Variants in SIRPD observed in about 807,000 individuals in gnomAD.
SIRPD encodes the protein signal-regulatory protein delta.
In SIRPD, 21 loss-of-function variants were observed where a neutral mutation model predicts 18.0. The observed-to-expected ratio is 1.17, with a 90% confidence interval of 0.83 to 1.68. SIRPD has a LOEUF of 1.68. SIRPD is among the 40% of genes most tolerant of loss of function. The pLI is 0.00. For synonymous variants in SIRPD, 106 were observed against 92.9 expected (o/e 1.14, Z -0.81); for missense variants, 295 against 238.4 (o/e 1.24, Z -1.56).
In SIRPD at chr20:1,554,235, C is replaced by T. The variant is rs145438320; in HGVS notation, c.74-2197G>A. ...TTGCAGGCCAGGGTTAGGACATCTC[C>T]GGGATTGACTGACACTAAAGTCTGA... On this transcript the variant is annotated intron_variant, in intron 1 of 3. Transcript: ENST00000381623. 262 of 152,704 alleles carry T rather than the reference C, an allele frequency of 1.7e-3. 3 individuals are homozygous for T. Among genetic ancestry groups the T allele is most frequent in the South Asian group, 3.3e-3 (16 of 4,826 alleles). 9.5% of individuals were successfully genotyped at this position (152,704 alleles called of 1,614,324 possible).
rs1343808689 is a variant in SIRPD at position 1,551,806 on chromosome 20, G to A, written c.306C>T (p.Thr102=). ...TTKPGNTDFS[T]RIREISLADA... Reference sequence around the variant, plus strand: ...CAGCAAGAGAGATTTCACGGATGCGGGTGGAAAAGTCTGTGTTGCCAGGCT... The same window carrying A: ...CAGCAAGAGAGATTTCACGGATGCGAGTGGAAAAGTCTGTGTTGCCAGGCT... Residue 102 remains threonine (T), a synonymous_variant, in exon 2 of 4, where the codon ACC becomes ACT. Coordinates refer to ENST00000381623, the MANE Select transcript of SIRPD (RefSeq NM_178460.3). 6.2e-7 allele frequency: 1 copy of A among 1,614,066 alleles called. No homozygotes were observed. The highest frequency in any genetic ancestry group is 8.5e-7 in the Non-Finnish European group (1 of 1,179,970).
chr20:1,535,070 A>T (rs1309146907), intron 3 of SIRPD, among the ~76,000 whole-genome samples: 1 of 152,222 alleles, frequency 6.6e-6, no homozygotes, highest in African/African-American at 2.4e-5. Flanking sequence ...CAACCACAAA[A>T]TGGAAAACTA....
intron 2 of SIRPD, among the ~76,000 whole-genome samples, chr20:1,540,633 T>C (rs1226222637): frequency 6.6e-6 from 1 of 152,238 alleles, no homozygotes; most frequent in African/African-American, 2.4e-5. Context: ...ATGGAATTAT[T>C]TAAAAAATTG....
At chr20:1,540,479 T>C (rs1360786169) in intron 2 of SIRPD, 4 of 350,636 alleles carry the variant, frequency 1.1e-5, no homozygotes, top group Non-Finnish European at 2.2e-5. Context: ...AACATTTTTA[T>C]CATCTCAAAA....
intron 1 of SIRPD, among the ~76,000 whole-genome samples, chr20:1,555,034 A>T (rs1035816055): frequency 3.3e-5 from 5 of 152,228 alleles, no homozygotes; most frequent in Non-Finnish European, 7.3e-5. Context: ...AATTGCAGTT[A>T]TTCACAATAG....
intron 1 of SIRPD, chr20:1,554,431 A>C (rs1289118328): frequency 6.6e-6 from 1 of 152,578 alleles, no homozygotes; most frequent in East Asian, 1.9e-4. Flanking sequence ...AGTCATATAA[A>C]AATTACAATG....
chr20:1,535,641 C>G (rs1471184257), intron 3 of SIRPD, among the ~76,000 whole-genome samples: 1 of 152,162 alleles, frequency 6.6e-6, no homozygotes, highest in Admixed American at 6.5e-5. Context: ...GCCCCTTGAC[C>G]TTGAACATCT....
At chr20:1,542,634 T>C (rs2090977462) in intron 2 of SIRPD, among the ~76,000 whole-genome samples, 1 of 152,214 alleles carries the variant, frequency 6.6e-6, no homozygotes. Flanking sequence ...CTTTATTTCT[T>C]TCTCTTGCCT....
At chr20:1,549,843 C>A (rs999983915) in intron 2 of SIRPD, among the ~76,000 whole-genome samples, 3 of 151,996 alleles carry the variant, frequency 2.0e-5, no homozygotes, top group Non-Finnish European at 4.4e-5. Context: ...AAATTTGTAT[C>A]CATTAGTTAC....
In SIRPD at chr20:1,551,895, T is replaced by A; in HGVS notation, c.217A>T (p.Lys73Ter). 1 of 1,614,122 alleles carries A rather than the reference T, an allele frequency of 6.2e-7. No homozygotes were observed. Among genetic ancestry groups the A allele is most frequent in the Non-Finnish European group, 8.5e-7 (1 of 1,179,996 alleles). ...CCTTGTTTGAAATTGTAGATTAATTTCCGGTTTGGCCCTGTTCCCTTGAAC... is the reference window on the plus strand; with the variant it reads ...CCTTGTTTGAAATTGTAGATTAATTACCGGTTTGGCCCTGTTCCCTTGAAC... Reference protein sequence around the residue: ...LWFKGTGPNRKLIYNFKQGNF... With the variant: ...LWFKGTGPNR Residue 73 changes from lysine (K) to a stop codon, truncating the protein, a stop_gained, in exon 2 of 4, where the codon AAA (lysine) becomes TAA (stop). Transcript: ENST00000381623. LOFTEE classifies it high-confidence loss of function.
intron 3 of SIRPD, among the ~76,000 whole-genome samples, chr20:1,536,714 C>T (rs1469242309): frequency 6.6e-6 from 1 of 152,146 alleles, no homozygotes; most frequent in Admixed American, 6.5e-5. Flanking sequence ...TATTAATCAC[C>T]TATGCATCCA....
intron 2 of SIRPD, among the ~76,000 whole-genome samples, chr20:1,548,515 T>C (rs774594411): frequency 2.2e-4 from 34 of 152,162 alleles, no homozygotes; most frequent in Admixed American, 2.0e-3. Flanking sequence ...AGTTTGCTAG[T>C]ATTTTCTTAA....
chr20:1,555,213 A>G (rs2091035154), intron 1 of SIRPD, among the ~76,000 whole-genome samples: 1 of 152,260 alleles, frequency 6.6e-6, no homozygotes, highest in South Asian at 2.1e-4. Flanking sequence ...GAAATAAGCC[A>G]GGCACAGAAA....
At chr20:1,541,851 G>A (rs917833166) in intron 2 of SIRPD, among the ~76,000 whole-genome samples, 4 of 152,042 alleles carry the variant, frequency 2.6e-5, no homozygotes, top group African/African-American at 9.7e-5. Flanking sequence ...TTAGTTTTCT[G>A]CATATGGCTA....
chr20:1,547,331 ACT>A (rs1354758089), intron 2 of SIRPD, among the ~76,000 whole-genome samples: 1 of 151,934 alleles, frequency 6.6e-6, no homozygotes, highest in Non-Finnish European at 1.5e-5. Flanking sequence ...TTGTTTCTGG[ACT>A]CTCTCTTTTC....
At chr20:1,537,543 G>A (rs943326226) in intron 2 of SIRPD, among the ~76,000 whole-genome samples, 1 of 152,160 alleles carries the variant, frequency 6.6e-6, no homozygotes, top group African/African-American at 2.4e-5. Context: ...CAGGTGTGCT[G>A]GTGACCCTTC....
At chr20:1,536,260 C>A (rs7271240) in intron 3 of SIRPD, among the ~76,000 whole-genome samples, 28,115 of 152,174 alleles carry the variant, frequency 0.18, 2,915 homozygotes, top group Middle Eastern at 0.23. Context: ...TAGTTTGATT[C>A]TCACCACAAC....
intron 2 of SIRPD, among the ~76,000 whole-genome samples, chr20:1,544,105 T>C (rs1036148718): frequency 4.6e-5 from 7 of 152,090 alleles, no homozygotes; most frequent in Admixed American, 3.9e-4. Context: ...GGGTGGAGAG[T>C]TCTGTAGATG....
chr20:1,545,380 A>G (rs2090989295), intron 2 of SIRPD, among the ~76,000 whole-genome samples: 1 of 152,054 alleles, frequency 6.6e-6, no homozygotes, highest in African/African-American at 2.4e-5. Context: ...TCAATCTCTG[A>G]AATCCTTTCT....
Sources: allele counts gnomAD v4.1 joint callset (sites outside exome capture counted in the v4.1 genomes callset), GRCh38; gene constraint gnomAD v4.1.1; transcripts MANE v1.5; gene names NCBI Gene and HGNC (gene_info 2026-07-23, HGNC 2026-07-21).